Variants in PHACTR3 observed in about 807,000 individuals in gnomAD.
The protein encoded by PHACTR3 is protein phosphatase 1, regulatory subunit 123.
PHACTR3 carries 16 observed loss-of-function variants against 66.8 expected under a neutral mutation model. That is an observed-to-expected ratio of 0.24 (90% CI 0.16 to 0.36). The LOEUF (loss-of-function observed/expected upper bound fraction) is 0.36. PHACTR3 is among the 10% of genes least tolerant of loss of function. The probability of loss-of-function intolerance (pLI) is 1.00; values close to 1 mark genes in which losing one functional copy is unlikely to be tolerated. For synonymous variants in PHACTR3, 323 were observed against 292.1 expected, an observed-to-expected ratio of 1.11 and a Z score of -1.08; for missense variants, 647 against 719.9, an observed-to-expected ratio of 0.90 and a Z score of 1.16.
intron 1 of PHACTR3, among the ~76,000 whole-genome samples, chr20:59,697,231 A>G (rs1205513914): frequency 6.6e-6 from 1 of 152,170 alleles, no homozygotes; most frequent in Non-Finnish European, 1.5e-5. Flanking sequence ...GCCTGTTGAC[A>G]AACAGTGCAG....
intron 1 of PHACTR3, among the ~76,000 whole-genome samples, chr20:59,720,380 C>A (rs1490909569): frequency 6.6e-6 from 1 of 152,188 alleles, no homozygotes; most frequent in African/African-American, 2.4e-5. Flanking sequence ...CAGGCAGAGG[C>A]CACGGGCTCT....
intron 1 of PHACTR3, among the ~76,000 whole-genome samples, chr20:59,688,431 G>A (rs1568713924): frequency 6.6e-6 from 1 of 152,170 alleles, no homozygotes; most frequent in Non-Finnish European, 1.5e-5. Flanking sequence ...CTGCTTTATG[G>A]GAAACCACAG....
At chr20:59,756,568 G>A (rs1020342220) in intron 4 of PHACTR3, among the ~76,000 whole-genome samples, 10 of 145,444 alleles carry the variant, frequency 6.9e-5, no homozygotes, top group African/African-American at 2.4e-4. Flanking sequence ...GGAATTTGGG[G>A]TCTGAGAGTT....
chr20:59,717,757 G>T lies in PHACTR3; in HGVS notation c.119-25350G>T, dbSNP rs192892372. ...AATGACTTTGCTATATAAAGGTGTG[G>T]TTTTTTTGACTATTCCTCCAGAATG... On this transcript the variant is annotated intron_variant, in intron 1 of 12. Coordinates refer to ENST00000371015, the MANE Select transcript of PHACTR3 (RefSeq NM_080672.5). Among the ~76,000 whole-genome samples, 64 of 152,282 alleles carry T rather than the reference G, an allele frequency of 4.2e-4. 2 individuals are homozygous for T. The highest frequency in any genetic ancestry group is 3.2e-3 in the Admixed American group (49 of 15,300).
At chr20:59,687,964 G>A (rs754257808) in intron 1 of PHACTR3, among the ~76,000 whole-genome samples, 6 of 152,192 alleles carry the variant, frequency 3.9e-5, no homozygotes, top group Non-Finnish European at 5.9e-5. Flanking sequence ...TGTGGCTCAT[G>A]TGTCACTGAC....
At chr20:59,643,525 C>T (rs1321466353) in intron 1 of PHACTR3, among the ~76,000 whole-genome samples, 1 of 152,224 alleles carries the variant, frequency 6.6e-6, no homozygotes, top group Non-Finnish European at 1.5e-5. Context: ...CTGCACAAAA[C>T]AGTGCCCTTG....
At chr20:59,723,318 G>C (rs992572517) in intron 1 of PHACTR3, among the ~76,000 whole-genome samples, 1 of 151,878 alleles carries the variant, frequency 6.6e-6, no homozygotes, top group African/African-American at 2.4e-5. Context: ...CCTGGCAACC[G>C]TGAATCTACT....
At chr20:59,633,594 G>A (rs373246543) in intron 1 of PHACTR3, among the ~76,000 whole-genome samples, 9 of 152,154 alleles carry the variant, frequency 5.9e-5, no homozygotes, top group Admixed American at 1.3e-4. Flanking sequence ...AAACCTGCAC[G>A]TTCTGCATAT....
chr20:59,735,125 T>C (rs991458898), intron 1 of PHACTR3, among the ~76,000 whole-genome samples: 1 of 152,074 alleles, frequency 6.6e-6, no homozygotes, highest in East Asian at 1.9e-4. Context: ...AAAGAAGAAA[T>C]AGAGGTCATA....
intron 8 of PHACTR3, among the ~76,000 whole-genome samples, chr20:59,825,292 T>C (rs1056757123): frequency 2.0e-5 from 3 of 152,242 alleles, no homozygotes; most frequent in Admixed American, 6.5e-5. Context: ...GGTTGCCTTG[T>C]TGCTGTCAAA....
intron 1 of PHACTR3, among the ~76,000 whole-genome samples, chr20:59,591,284 G>A (rs1345400039): frequency 1.3e-5 from 2 of 152,146 alleles, no homozygotes; most frequent in South Asian, 2.1e-4. Context: ...TGAGCCATCA[G>A]AGTCCCTCCC....
At chr20:59,688,695 T>C (rs2036988883) in intron 1 of PHACTR3, among the ~76,000 whole-genome samples, 1 of 152,242 alleles carries the variant, frequency 6.6e-6, no homozygotes, top group Non-Finnish European at 1.5e-5. Context: ...TTTTTTTTCT[T>C]AACTGCAGTT....
intron 1 of PHACTR3, among the ~76,000 whole-genome samples, chr20:59,694,403 T>A (rs1257416765): frequency 6.6e-6 from 1 of 151,838 alleles, no homozygotes; most frequent in Non-Finnish European, 1.5e-5. Context: ...CACTATTATA[T>A]CATTGGCACC....
intron 1 of PHACTR3, among the ~76,000 whole-genome samples, chr20:59,701,500 G>A (rs1422931822): frequency 6.6e-6 from 1 of 152,200 alleles, no homozygotes; most frequent in Non-Finnish European, 1.5e-5. Flanking sequence ...ATAGGCTCCA[G>A]TAAGATGGGA....
At chr20:59,605,860 G>GGT (rs2033649897) in intron 1 of PHACTR3, among the ~76,000 whole-genome samples, 3 of 15,364 alleles carry the variant, frequency 2.0e-4, no homozygotes, top group Admixed American at 7.9e-4. Context: ...GGGGGAGGTG[G>GGT]GGGGGGGGGT....
chr20:59,785,874 CTACTTCATTT>C (rs1568820676), intron 7 of PHACTR3, among the ~76,000 whole-genome samples: 5 of 138,848 alleles, frequency 3.6e-5, no homozygotes, highest in African/African-American at 1.7e-4. Context: ...TCTGCATCCC[CTACTTCATTT>C]TGTTTTCCAA....
Position 59,738,691 on chromosome 20 carries a change from C to G in PHACTR3, c.119-4416C>G, listed in dbSNP as rs193171478. 6.6e-6 allele frequency among the ~76,000 whole-genome samples: 1 copy of G among 152,210 alleles called. No homozygotes were observed. Among genetic ancestry groups the G allele is most frequent in the Non-Finnish European group, 1.5e-5 (1 of 68,010 alleles). On this transcript the variant is annotated intron_variant, in intron 1 of 12. Coordinates refer to ENST00000371015, the MANE Select transcript of PHACTR3 (RefSeq NM_080672.5). This position sits in a 1 kb window ranked among gnomAD's most constrained non-coding sequence, Gnocchi z 4.4. ...CTTGATGCTGTGGCCCTCAGCAGAC[C>G]CTGATTCCTCCAGATCCTTCCTGAC...
At chr20:59,676,881 A>T in intron 1 of PHACTR3, 1 of 213,384 alleles carries the variant, frequency 4.7e-6, no homozygotes, top group Non-Finnish European at 6.7e-6. Flanking sequence ...CCCTAAGAGA[A>T]TGGCTTTTTT....
chr20:59,580,224 G>C (rs1348262721), intron 1 of PHACTR3, among the ~76,000 whole-genome samples: 22 of 152,108 alleles, frequency 1.4e-4, no homozygotes, highest in Admixed American at 1.4e-3. Flanking sequence ...GCCAAGTTTT[G>C]GGTTGGAGCA....
Sources: allele counts gnomAD v4.1 joint callset (sites outside exome capture counted in the v4.1 genomes callset), GRCh38; gene constraint gnomAD v4.1.1; non-coding constraint Gnocchi (gnomAD v3.1); transcripts MANE v1.5; gene names NCBI Gene and HGNC (gene_info 2026-07-23, HGNC 2026-07-21).